CHODL: variants seen among roughly 807,000 people sequenced by gnomAD.
CHODL encodes chondrolectin.
Under a neutral mutation model 34.5 loss-of-function variants are expected in CHODL, and 29 were observed. The observed-to-expected ratio is 0.84, with a 90% CI of 0.63 to 1.15. The LOEUF (loss-of-function observed/expected upper bound fraction) is 1.15. Among genes scored for constraint, CHODL ranks in the 50% most tolerant of loss-of-function variants. CHODL has a pLI of 0.00. For missense variants in CHODL, 332 were observed against 332.5 expected, an observed-to-expected ratio of 1.00 and a Z score of 0.01; for synonymous variants, 125 against 116.1, an observed-to-expected ratio of 1.08 and a Z score of -0.49.
chr21:18,193,741 AAAT>A (rs1304673545), intron 2 of CHODL, among the ~76,000 whole-genome samples: 5 of 150,470 alleles, frequency 3.3e-5, no homozygotes, highest in Admixed American at 3.3e-4. Context: ...ATAAATAAAT[AAAT>A]AAAAAATAAA....
intron 2 of CHODL, among the ~76,000 whole-genome samples, chr21:18,044,629 G>T (rs2064419038): frequency 6.6e-6 from 1 of 151,724 alleles, no homozygotes. Flanking sequence ...TCTCTCTTTT[G>T]GTAGAAGGAA....
intron 2 of CHODL, among the ~76,000 whole-genome samples, chr21:18,112,851 C>G (rs1015311501): frequency 3.3e-5 from 5 of 152,122 alleles, no homozygotes; most frequent in Non-Finnish European, 5.9e-5. Flanking sequence ...GGACATTGGT[C>G]TGGGCAAAGG....
At chr21:18,209,853 G>A (rs1178292828) in intron 2 of CHODL, among the ~76,000 whole-genome samples, 1 of 152,100 alleles carries the variant, frequency 6.6e-6, no homozygotes, top group East Asian at 1.9e-4. Context: ...GAGGACTTAG[G>A]ACTCTGCCTG....
intron 2 of CHODL, among the ~76,000 whole-genome samples, chr21:18,090,387 G>A (rs1600989334): frequency 1.3e-5 from 2 of 152,090 alleles, no homozygotes; most frequent in Non-Finnish European, 2.9e-5. Flanking sequence ...CCCTGCCAGG[G>A]TGCTAAAAAC....
At chr21:18,140,097 A>C (rs1211192527) in intron 2 of CHODL, among the ~76,000 whole-genome samples, 1 of 152,140 alleles carries the variant, frequency 6.6e-6, no homozygotes, top group Non-Finnish European at 1.5e-5. Flanking sequence ...TCCCAGACTG[A>C]TTTAATAAAA....
intron 1 of CHODL, among the ~76,000 whole-genome samples, chr21:17,967,486 G>A (rs967014180): frequency 2.6e-5 from 4 of 152,096 alleles, no homozygotes; most frequent in African/African-American, 9.7e-5. Context: ...CTCCCTAAGA[G>A]CTTGGTTTTT....
intron 1 of CHODL, among the ~76,000 whole-genome samples, chr21:17,981,174 A>AAAG (rs1398990230): frequency 1.3e-5 from 2 of 152,124 alleles, no homozygotes; most frequent in Non-Finnish European, 2.9e-5. Context: ...ATTTTTTGTT[A>AAAG]TTGTTTAAAA....
At chr21:18,060,122 T>C (rs960818211) in intron 2 of CHODL, among the ~76,000 whole-genome samples, 1 of 152,030 alleles carries the variant, frequency 6.6e-6, no homozygotes, top group Non-Finnish European at 1.5e-5. Flanking sequence ...TTTGCCTCCT[T>C]CTAACCAGTT....
intron 2 of CHODL, among the ~76,000 whole-genome samples, chr21:18,087,789 C>T (rs1281720909): frequency 6.6e-6 from 1 of 152,088 alleles, no homozygotes; most frequent in Non-Finnish European, 1.5e-5. Flanking sequence ...TTTAGGAGGG[C>T]CTGTGTGTTA....
chr21:17,937,956 G>A (rs2063330926), intron 1 of CHODL, among the ~76,000 whole-genome samples: 1 of 152,122 alleles, frequency 6.6e-6, no homozygotes, highest in Admixed American at 6.5e-5. Context: ...AGTCTACTGG[G>A]CAAGTTCCTA....
rs1158974506 is a variant in CHODL, at chr21:18,265,211, ATG to A, written c.738-741_738-740del. Among the ~76,000 whole-genome samples, 407 of 147,882 alleles carry A rather than the reference ATG, an allele frequency of 2.8e-3. 3 individuals carry two copies. Among genetic ancestry groups the A allele is most frequent in the African/African-American group, 0.01 (400 of 38,856 alleles). Reference sequence around the variant, plus strand: ...TATATATACACACACACACACATATATGTATGTGTATATATATATGTGTGTAT... The same window carrying A: ...TATATATACACACACACACACATATATATGTGTATATATATATGTGTGTAT... On this transcript the variant is annotated intron_variant, in intron 5 of 5. Transcript: ENST00000299295.
At chr21:18,119,230 TC>T (rs1208080901) in intron 2 of CHODL, among the ~76,000 whole-genome samples, 2 of 150,916 alleles carry the variant, frequency 1.3e-5, no homozygotes, top group African/African-American at 4.9e-5. Context: ...TTCAACCCCT[TC>T]CTCACACTTC....
At chr21:17,922,357 G>T (rs767525847) in intron 1 of CHODL, among the ~76,000 whole-genome samples, 1 of 152,200 alleles carries the variant, frequency 6.6e-6, no homozygotes, top group Non-Finnish European at 1.5e-5. Context: ...CTGCTTTAGA[G>T]GTGGAGCGAG....
intron 1 of CHODL, among the ~76,000 whole-genome samples, chr21:17,949,159 A>T (rs79427337): frequency 6.6e-6 from 1 of 152,290 alleles, no homozygotes; most frequent in East Asian, 1.9e-4. Context: ...ACAGCTACCC[A>T]GTCTTCATGT....
At chr21:18,255,880 A>AT (rs540915983) in intron 1 of CHODL, among the ~76,000 whole-genome samples, 6 of 151,972 alleles carry the variant, frequency 3.9e-5, no homozygotes, top group East Asian at 1.9e-4. Flanking sequence ...TGGTAATGAG[A>AT]TTTTTTCAGA....
rs202026509 is a variant in CHODL, at chr21:18,037,809, AAG to A, written c.-45+9843_-45+9844del. ...ACACTTAGCAGCAATAACCAGTGTT[AAG>A]AGAGGGGAATATACAAACTTTAAAA... On this transcript the variant is annotated intron_variant, in intron 2 of 6. Coordinates refer to the CHODL transcript ENST00000400127. Among the ~76,000 whole-genome samples the A allele has an allele frequency of 4.6e-3, 692 of 151,890 alleles. 7 individuals are homozygous for A. The highest frequency in any genetic ancestry group is 0.016 in the African/African-American group (659 of 41,518).
chr21:17,988,246 T>A (rs1021348112), intron 1 of CHODL, among the ~76,000 whole-genome samples: 2 of 152,160 alleles, frequency 1.3e-5, no homozygotes, highest in Non-Finnish European at 2.9e-5. Flanking sequence ...TAGATCTTGC[T>A]TGCCTTGTTG....
At chr21:18,092,251 A>T (rs186443433) in intron 2 of CHODL, among the ~76,000 whole-genome samples, 1 of 152,350 alleles carries the variant, frequency 6.6e-6, no homozygotes, top group Admixed American at 6.5e-5. Context: ...TTTGAGTCTT[A>T]TGCAAGACCA....
At chr21:18,238,871 T>C (rs2074054671) in intron 2 of CHODL, among the ~76,000 whole-genome samples, 1 of 152,138 alleles carries the variant, frequency 6.6e-6, no homozygotes, top group African/African-American at 2.4e-5. Flanking sequence ...ACTTCTGATT[T>C]TTTAGTGCCA....
Sources: gnomAD v4.1 joint callset for allele counts (sites outside exome capture counted in the v4.1 genomes callset) on GRCh38, gnomAD v4.1.1 for gene constraint, MANE v1.5 for transcripts, NCBI Gene and HGNC (gene_info 2026-07-23, HGNC 2026-07-21) for gene names.